The following ZRANB3 variants were observed in gnomAD, a reference collection of about 807,000 sequenced individuals.
ZRANB3 encodes the protein zinc finger RANBP2-type containing 3, also known as DNA annealing helicase and endonuclease ZRANB3.
ZRANB3 carries 125 observed loss-of-function variants against 133.8 expected under a neutral mutation model. The ratio of observed to expected loss-of-function variants is 0.93; its 90% CI spans 0.81 to 1.08. ZRANB3 has a LOEUF of 1.08. ZRANB3 is among the 50% of genes least tolerant of loss of function. The pLI is 0.00. For missense variants in ZRANB3, 1,229 were observed against 1,275.5 expected (o/e 0.96, Z 0.56); for synonymous variants, 387 against 432.7 (o/e 0.89, Z 1.31).
intron 2 of ZRANB3, among the ~76,000 whole-genome samples, chr2:135,427,836 C>T (rs976324108): frequency 1.3e-5 from 2 of 152,156 alleles, no homozygotes; most frequent in Non-Finnish European, 2.9e-5. Context: ...CAGCATGGTA[C>T]TGGCACAAAA....
chr2:135,438,181 C>T (rs566675692), intron 2 of ZRANB3, among the ~76,000 whole-genome samples: 112 of 152,204 alleles, frequency 7.4e-4, no homozygotes, highest in Non-Finnish European at 1.4e-3. Context: ...CTATATCTCT[C>T]TCTATATACT....
intron 6 of ZRANB3, among the ~76,000 whole-genome samples, chr2:135,323,892 T>C (rs1252017444): frequency 6.6e-6 from 1 of 151,888 alleles, no homozygotes; most frequent in East Asian, 1.9e-4. Context: ...CACAGCCTCC[T>C]GAGCAGCTGA....
chr2:135,231,811 G>C (rs149537138), intron 12 of ZRANB3, among the ~76,000 whole-genome samples: 15 of 151,944 alleles, frequency 9.9e-5, no homozygotes, highest in Admixed American at 9.2e-4. Context: ...ACAAAAAAAC[G>C]GGGGATGGAG....
At chr2:135,257,747 A>G (rs1553462479) in intron 12 of ZRANB3, among the ~76,000 whole-genome samples, 1 of 152,206 alleles carries the variant, frequency 6.6e-6, no homozygotes, top group Non-Finnish European at 1.5e-5. Context: ...GCTAAACCAA[A>G]TTGAAGTTTT....
chr2:135,418,775 A>G (rs528971961), intron 2 of ZRANB3, among the ~76,000 whole-genome samples: 29 of 152,216 alleles, frequency 1.9e-4, no homozygotes, highest in Non-Finnish European at 2.2e-4. Flanking sequence ...GAATCAGAAA[A>G]GCTGAGGGGC....
At chr2:135,525,734 G>C (rs1342041527) in intron 1 of ZRANB3, among the ~76,000 whole-genome samples, 2 of 151,544 alleles carry the variant, frequency 1.3e-5, no homozygotes, top group Non-Finnish European at 2.9e-5. Context: ...TGTAATCCCA[G>C]CTACTCGAGA....
chr2:135,235,996 T>C (rs1322324912), intron 12 of ZRANB3, among the ~76,000 whole-genome samples: 4 of 152,294 alleles, frequency 2.6e-5, no homozygotes, highest in East Asian at 3.9e-4. Context: ...GGAAGTCAAA[T>C]TGTCCCTGTT....
At chr2:135,318,831 T>C (rs985880398) in intron 6 of ZRANB3, among the ~76,000 whole-genome samples, 13 of 152,210 alleles carry the variant, frequency 8.5e-5, no homozygotes, top group African/African-American at 3.1e-4. Context: ...CTTCATAGCA[T>C]TGGTCTCCAA....
intron 17 of ZRANB3, among the ~76,000 whole-genome samples, chr2:135,209,371 C>G (rs1235942060): frequency 6.6e-6 from 1 of 152,214 alleles, no homozygotes; most frequent in Non-Finnish European, 1.5e-5. Flanking sequence ...TTACCTCCCT[C>G]TTGGCCTTCC....
At chr2:135,235,760 AT>A (rs1695255977) in intron 12 of ZRANB3, among the ~76,000 whole-genome samples, 1 of 150,658 alleles carries the variant, frequency 6.6e-6, no homozygotes, top group Non-Finnish European at 1.5e-5. Context: ...AACACTCTCA[AT>A]AAATTAGGTA....
chr2:135,530,043 T>C (rs1449935805), intron 1 of ZRANB3, among the ~76,000 whole-genome samples: 2 of 151,162 alleles, frequency 1.3e-5, no homozygotes. Context: ...CTGGCCAACA[T>C]GGTGAAACCC....
chr2:135,253,060 A>G (rs1005120682), intron 12 of ZRANB3, among the ~76,000 whole-genome samples: 3 of 152,216 alleles, frequency 2.0e-5, no homozygotes, highest in Non-Finnish European at 4.4e-5. Flanking sequence ...ACATACCAAT[A>G]GCCTCATGAA....
chr2:135,388,748 C>T (rs1484842474), intron 3 of ZRANB3, among the ~76,000 whole-genome samples: 1 of 152,156 alleles, frequency 6.6e-6, no homozygotes, highest in African/African-American at 2.4e-5. Flanking sequence ...TTTGGACTCT[C>T]AAATTAATTA....
chr2:135,263,039 A>G (rs1453770272), intron 12 of ZRANB3, among the ~76,000 whole-genome samples: 1 of 152,124 alleles, frequency 6.6e-6, no homozygotes, highest in African/African-American at 2.4e-5. Flanking sequence ...TGATCTTTTT[A>G]TAAAATAAAA....
At chr2:135,480,322 A>T (rs1347270566) in intron 2 of ZRANB3, among the ~76,000 whole-genome samples, 1 of 152,170 alleles carries the variant, frequency 6.6e-6, no homozygotes, top group Non-Finnish European at 1.5e-5. Flanking sequence ...ATAATTTAAC[A>T]AAGAATCTTC....
intron 1 of ZRANB3, among the ~76,000 whole-genome samples, chr2:135,507,069 T>C (rs1486788565): frequency 6.6e-6 from 1 of 152,174 alleles, no homozygotes; most frequent in Non-Finnish European, 1.5e-5. Flanking sequence ...CAAAAAACCT[T>C]TAGCAGTGAA....
intron 2 of ZRANB3, among the ~76,000 whole-genome samples, chr2:135,430,431 G>A (rs1228143713): frequency 6.7e-6 from 1 of 150,012 alleles, no homozygotes; most frequent in Non-Finnish European, 1.5e-5. Context: ...AAAGTAAGAA[G>A]ATTAAAAAAA....
At chr2:135,265,966 T>C (rs1680223501) in intron 11 of ZRANB3, among the ~76,000 whole-genome samples, 1 of 152,128 alleles carries the variant, frequency 6.6e-6, no homozygotes, top group Non-Finnish European at 1.5e-5. Flanking sequence ...TCCCAGTACT[T>C]TGGGAGGCCA....
rs571576690 is a variant in ZRANB3, at chr2:135,340,108, T to C, written c.677+5442A>G. 1.2e-4 allele frequency among the ~76,000 whole-genome samples: 18 copies of C among 150,836 alleles called. No individual in the cohort carries two copies. In the South Asian group the frequency reaches 3.1e-3, roughly 26 times the overall value. On this transcript the variant is annotated intron_variant, in intron 6 of 20. Transcript: ENST00000264159. ...GAAAGAATCCCTGTCCCTTTTCTTT[T>C]TTTTTTTTTTTTTTAAGACAGAGTC...
Sources: gnomAD v4.1 joint callset for allele counts (sites outside exome capture counted in the v4.1 genomes callset) on GRCh38, gnomAD v4.1.1 for gene constraint, MANE v1.5 for transcripts, NCBI Gene and HGNC (gene_info 2026-07-23, HGNC 2026-07-21) for gene names.